ADRA2C: variants seen among roughly 807,000 people sequenced by gnomAD.
The protein encoded by ADRA2C is adrenoceptor alpha 2C, also known as alpha-2C adrenergic receptor.
In ADRA2C, 4 loss-of-function variants were observed where a neutral mutation model predicts 7.9. The ratio of observed to expected loss-of-function variants is 0.51; its 90% CI spans 0.25 to 1.16. ADRA2C has a LOEUF of 1.16. Among genes scored for constraint, ADRA2C ranks in the 50% most tolerant of loss-of-function variants. ADRA2C has a pLI of 0.15. For missense variants in ADRA2C, 589 were observed against 677.7 expected, an observed-to-expected ratio of 0.87 and a Z score of 1.45; for synonymous variants, 368 against 328.9, an observed-to-expected ratio of 1.12 and a Z score of -1.29.
Position 3,767,667 on chromosome 4 carries a change from A to C in ADRA2C, c.1061A>C (p.Glu354Ala). 6.4e-7 allele frequency: 1 copy of C among 1,561,468 alleles called. No homozygotes were observed. The highest frequency in any genetic ancestry group is 8.6e-7 in the Non-Finnish European group (1 of 1,156,808). ...TCGCGCGCCAGCTCGCGCTCCGTCG[A>C]GTTCTTCCTGTCGCGCCGGCGCCGG... Reference protein sequence around the residue: ...RLSRASSRSVEFFLSRRRRAR... With the variant: ...RLSRASSRSVAFFLSRRRRAR... Residue 354 changes from glutamate to alanine, a missense_variant, in exon 1 of 1, where the codon GAG becomes GCG. Physicochemically the swap from Glu to Ala is moderately radical, Grantham distance 107. Transcript: ENST00000330055.
chr4:3,766,959 A>T lies in ADRA2C; in HGVS notation c.353A>T (p.Tyr118Phe), dbSNP rs775942265. The change falls in exon 1 of 1, where the codon TAC becomes TTC. Residue 118 changes from tyrosine (Y) to phenylalanine (F), a missense_variant. Tyr to Phe is a conservative substitution (Grantham distance 22). Transcript: ENST00000330055. This position sits in a 1 kb window ranked among gnomAD's most constrained non-coding sequence, Gnocchi z 4.5. ...GCCAACGAGCTCATGGCCTACTGGT[A>T]CTTCGGGCAGGTGTGGTGCGGCGTG... ...SLANELMAYW[Y>F]FGQVWCGVYL... 6.2e-7 allele frequency: 1 copy of T among 1,611,032 alleles called. No homozygotes were observed. The highest frequency in any genetic ancestry group is 1.7e-5 in the Admixed American group (1 of 60,004).
rs1453100743 is a variant in ADRA2C at position 3,768,261 on chromosome 4, G to C, written c.*266G>C. The C allele has an allele frequency of 1.4e-6, 1 of 717,520 alleles. No individual in the cohort carries two copies. The highest frequency in any genetic ancestry group is 1.7e-5 in the African/African-American group (1 of 57,376). The allele number at this position is 717,520 out of a possible 1,614,324, so 44.4% of individuals were successfully genotyped here. ...TGGATCCAGCTCTGGGAGCCCTGCC[G>C]AGGTGTGGCTGTGAGGTCAGGGTTT... On this transcript the variant is annotated 3_prime_UTR_variant, in exon 1 of 1. Coordinates refer to ENST00000330055, the MANE Select transcript of ADRA2C (RefSeq NM_000683.4).
In ADRA2C at chr4:3,768,075, C is replaced by CAGAGACCCGGGGAGCTTTCCG; in HGVS notation, c.*93_*94insGCTTTCCGAGAGACCCGGGGA. 1 of 1,535,270 alleles carries CAGAGACCCGGGGAGCTTTCCG rather than the reference C, an allele frequency of 6.5e-7. No homozygotes were observed. Among genetic ancestry groups the CAGAGACCCGGGGAGCTTTCCG allele is most frequent in the Non-Finnish European group, 8.8e-7 (1 of 1,133,362 alleles). ...GGCGGCCCGGACGGGGGAGCTTTCC[C>CAGAGACCCGGGGAGCTTTCCG]AGAGACCCGGGGATGGATTGGCCTC... is the stretch of plus-strand genomic sequence containing the variant. On this transcript the variant is annotated 3_prime_UTR_variant, in exon 1 of 1. Transcript: ENST00000330055.
rs1735455940 is a variant in ADRA2C, at chr4:3,766,897, C to T, written c.291C>T (p.Asp97=). The T allele has an allele frequency of 6.2e-7, 1 of 1,610,646 alleles. No homozygotes were observed. The highest frequency in any genetic ancestry group is 8.5e-7 in the Non-Finnish European group (1 of 1,179,524). ...NLFLVSLASA[D]ILVATLVMPF... ...TCCTGGTGTCGCTGGCCTCGGCCGA[C>T]ATCCTGGTGGCCACGCTGGTCATGC... Residue 97 remains aspartate (D), a synonymous_variant, in exon 1 of 1, where the codon GAC becomes GAT. Transcript: ENST00000330055. This position sits in a 1 kb window ranked among gnomAD's most constrained non-coding sequence, Gnocchi z 4.5.
chr4:3,768,385 T>C lies in ADRA2C; in HGVS notation c.*390T>C. ...CCCCGTCTGACCAAGGGCTGACTTCTCCAGGACCTAGTCGGGGGGTGGCTG... is the reference window on the plus strand; with the variant it reads ...CCCCGTCTGACCAAGGGCTGACTTCCCCAGGACCTAGTCGGGGGGTGGCTG... On this transcript the variant is annotated 3_prime_UTR_variant, in exon 1 of 1. Coordinates refer to ENST00000330055, the MANE Select transcript of ADRA2C (RefSeq NM_000683.4). 1.5e-6 allele frequency: 1 copy of C among 661,090 alleles called. No homozygotes were observed. The highest frequency in any genetic ancestry group is 1.7e-5 in the South Asian group (1 of 59,738). 41.0% of individuals were successfully genotyped at this position (661,090 alleles called of 1,614,324 possible). A position where few individuals can be genotyped will look rare whatever the true frequency, so the allele number is the denominator to read the frequency against.
chr4:3,767,982 G>C lies in ADRA2C; in HGVS notation c.1376G>C (p.Gly459Ala), dbSNP rs1327954063. 1 of 1,606,504 alleles carries C rather than the reference G, an allele frequency of 6.2e-7. No individual in the cohort carries two copies. The highest frequency in any genetic ancestry group is 8.5e-7 in the Non-Finnish European group (1 of 1,178,104). The change falls in exon 1 of 1, where the codon GGC becomes GCC. Residue 459 changes from glycine (G) to alanine (A), a missense_variant. Gly to Ala is a moderately conservative substitution (Grantham distance 60). Transcript: ENST00000330055. Reference sequence around the variant, plus strand: ...ATCCTCTTCCGACGGAGGAGAAGGGGCTTCAGGCAGTGACTCGCACCCGTC... The same window carrying C: ...ATCCTCTTCCGACGGAGGAGAAGGGCCTTCAGGCAGTGACTCGCACCCGTC... ...KHILFRRRRRGFRQ is the reference protein window; with the variant it reads ...KHILFRRRRRAFRQ
chr4:3,767,168 G>C lies in ADRA2C; in HGVS notation c.562G>C (p.Val188Leu), dbSNP rs1286141118. 6.2e-7 allele frequency: 1 copy of C among 1,609,718 alleles called. No homozygotes were observed. Among genetic ancestry groups the C allele is most frequent in the Admixed American group, 1.7e-5 (1 of 59,970 alleles). The change falls in exon 1 of 1, where the codon GTC becomes CTC. Residue 188 changes from valine (V) to leucine (L), a missense_variant. By Grantham distance (32) the Val-to-Leu change is conservative. Transcript: ENST00000330055. Reference sequence around the variant, plus strand: ...GGCCGTCATCTCCTTCCCGCCGCTGGTCTCGCTCTACCGCCAGCCCGACGG... The same window carrying C: ...GGCCGTCATCTCCTTCCCGCCGCTGCTCTCGCTCTACCGCCAGCCCGACGG... ...ISAVISFPPL[V>L]SLYRQPDGAA...
chr4:3,768,208 C>G lies in ADRA2C; in HGVS notation c.*213C>G. On this transcript the variant is annotated 3_prime_UTR_variant, in exon 1 of 1. Transcript: ENST00000330055. ...AGACCCCTTTGCCTTCCCCCCTCAGCAAGGGGCTGCTTCTGGGGCTCCCTG... is the reference window on the plus strand; with the variant it reads ...AGACCCCTTTGCCTTCCCCCCTCAGGAAGGGGCTGCTTCTGGGGCTCCCTG... The G allele has an allele frequency of 1.4e-6, 1 of 722,288 alleles. No homozygotes were observed. The highest frequency in any genetic ancestry group is 2.6e-6 in the Non-Finnish European group (1 of 390,558). The allele number at this position is 722,288 out of a possible 1,614,324, so 44.7% of individuals were successfully genotyped here. A position where few individuals can be genotyped will look rare whatever the true frequency, so the allele number is the denominator to read the frequency against.
rs1231936043 is a variant in ADRA2C, at chr4:3,767,668, G to A, written c.1062G>A (p.Glu354=). The change falls in exon 1 of 1, where the codon GAG becomes GAA. Residue 354 remains glutamate, a synonymous_variant. Transcript: ENST00000330055. ...CGCGCGCCAGCTCGCGCTCCGTCGA[G>A]TTCTTCCTGTCGCGCCGGCGCCGGG... ...RLSRASSRSV[E]FFLSRRRRAR... is the part of the protein sequence containing the mutation. 3 of 1,565,192 alleles carry A rather than the reference G, an allele frequency of 1.9e-6. No individual in the cohort carries two copies. The highest frequency in any genetic ancestry group is 2.6e-6 in the Non-Finnish European group (3 of 1,158,516).
At position 3,768,399 on chromosome 4, in the gene ADRA2C, G is replaced by C. The variant is rs1394331146; in HGVS notation, c.*404G>C. The C allele has an allele frequency of 5.6e-5, 35 of 629,890 alleles. No homozygotes were observed. In the East Asian group the frequency reaches 1.0e-3, roughly 18 times the overall value. 39.0% of individuals were successfully genotyped at this position (629,890 alleles called of 1,614,324 possible). A position where few individuals can be genotyped will look rare whatever the true frequency, so the allele number is the denominator to read the frequency against. ...GGGCTGACTTCTCCAGGACCTAGTCGGGGGGTGGCTGCCAGGGGGCAAGGA... is the reference window on the plus strand; with the variant it reads ...GGGCTGACTTCTCCAGGACCTAGTCCGGGGGTGGCTGCCAGGGGGCAAGGA... On this transcript the variant is annotated 3_prime_UTR_variant, in exon 1 of 1. Transcript: ENST00000330055.
Position 3,766,835 on chromosome 4 carries a change from C to T in ADRA2C, c.229C>T (p.Leu77=), listed in dbSNP as rs778767194. 2 of 1,586,084 alleles carry T rather than the reference C, an allele frequency of 1.3e-6. No individual in the cohort carries two copies. Among genetic ancestry groups the T allele is most frequent in the Non-Finnish European group, 1.7e-6 (2 of 1,167,166 alleles). ...CAACGTGCTGGTGGTGATCGCCGTG[C>T]TGACCAGCCGGGCGCTGCGCGCGCC... ...VGNVLVVIAV[L]TSRALRAPQN... The change falls in exon 1 of 1, where the codon CTG becomes TTG. Residue 77 remains leucine, a synonymous_variant. Transcript: ENST00000330055. The surrounding 1 kb of genome is among the most constrained non-coding windows in gnomAD (Gnocchi z 4.5).
Position 3,768,214 on chromosome 4 carries a change from G to A in ADRA2C, c.*219G>A, listed in dbSNP as rs1407482066. 3 of 721,546 alleles carry A rather than the reference G, an allele frequency of 4.2e-6. No homozygotes were observed. Among genetic ancestry groups the A allele is most frequent in the Non-Finnish European group, 7.7e-6 (3 of 389,526 alleles). 44.7% of individuals were successfully genotyped at this position (721,546 alleles called of 1,614,324 possible). Reference sequence around the variant, plus strand: ...CTTTGCCTTCCCCCCTCAGCAAGGGGCTGCTTCTGGGGCTCCCTGCCTGGA... The same window carrying A: ...CTTTGCCTTCCCCCCTCAGCAAGGGACTGCTTCTGGGGCTCCCTGCCTGGA... On this transcript the variant is annotated 3_prime_UTR_variant, in exon 1 of 1. Coordinates refer to ENST00000330055, the MANE Select transcript of ADRA2C (RefSeq NM_000683.4).
chr4:3,768,370 C>T lies in ADRA2C; in HGVS notation c.*375C>T. ...ACTACCACTCCCCATCCCCGTCTGA[C>T]CAAGGGCTGACTTCTCCAGGACCTA... On this transcript the variant is annotated 3_prime_UTR_variant, in exon 1 of 1. Transcript: ENST00000330055. The T allele has an allele frequency of 1.4e-6, 1 of 695,610 alleles. No individual in the cohort carries two copies. Among genetic ancestry groups the T allele is most frequent in the Non-Finnish European group, 2.7e-6 (1 of 373,242 alleles). 43.1% of individuals were successfully genotyped at this position (695,610 alleles called of 1,614,324 possible).
At position 3,767,016 on chromosome 4, in the gene ADRA2C, C is replaced by G; in HGVS notation, c.410C>G (p.Ser137Trp). 6.2e-7 allele frequency: 1 copy of G among 1,611,442 alleles called. No individual in the cohort carries two copies. ...GCGCTCGATGTGCTGTTTTGCACCTCGTCGATCGTGCATCTGTGTGCCATC... is the reference window on the plus strand; with the variant it reads ...GCGCTCGATGTGCTGTTTTGCACCTGGTCGATCGTGCATCTGTGTGCCATC... The part of the protein sequence containing the change: ...YLALDVLFCT[S>W]SIVHLCAISL... Residue 137 changes from serine (S) to tryptophan (W), a missense_variant, in exon 1 of 1, where the codon TCG (serine) becomes TGG (tryptophan). Physicochemically the swap from Ser to Trp is radical, Grantham distance 177 (BLOSUM62 -3). Coordinates refer to ENST00000330055, the MANE Select transcript of ADRA2C (RefSeq NM_000683.4).
chr4:3,767,349 G>A lies in ADRA2C; in HGVS notation c.743G>A (p.Arg248His), dbSNP rs1329293853. The A allele has an allele frequency of 6.4e-7, 1 of 1,551,502 alleles. No individual in the cohort carries two copies. ...KLRTRTLSEK[R>H]APVGPDGASP... ...CGCACGCGCACGCTCAGCGAGAAGC[G>A]CGCCCCCGTGGGCCCCGACGGTGCG... Residue 248 changes from arginine to histidine, a missense_variant, in exon 1 of 1, where the codon CGC becomes CAC. Coordinates refer to ENST00000330055, the MANE Select transcript of ADRA2C (RefSeq NM_000683.4).
At position 3,768,051 on chromosome 4, in the gene ADRA2C, G is replaced by C. The variant is rs1735497812; in HGVS notation, c.*56G>C. On this transcript the variant is annotated 3_prime_UTR_variant, in exon 1 of 1. Transcript: ENST00000330055. ...CCGCGCTCGGGGCTGGGCAGAAGGG[G>C]CGGCCCGGACGGGGGAGCTTTCCCA... is the stretch of plus-strand genomic sequence containing the variant. The C allele has an allele frequency of 2.7e-6, 1 of 365,042 alleles. No homozygotes were observed. Among genetic ancestry groups the C allele is most frequent in the South Asian group, 3.5e-5 (1 of 28,482 alleles). The allele number at this position is 365,042 out of a possible 1,614,324, so 22.6% of individuals were successfully genotyped here. A position where few individuals can be genotyped will look rare whatever the true frequency, so the allele number is the denominator to read the frequency against.
rs1488635397 is a variant in ADRA2C, at chr4:3,767,823, G to A, written c.1217G>A (p.Gly406Asp). 1 of 1,613,186 alleles carries A rather than the reference G, an allele frequency of 6.2e-7. No homozygotes were observed. The highest frequency in any genetic ancestry group is 8.5e-7 in the Non-Finnish European group (1 of 1,179,866). ...TTCTTCTTCAGCTACAGCCTGTACG[G>A]CATCTGCCGCGAGGCCTGCCAGGTG... Reference protein sequence around the residue: ...FPFFFSYSLYGICREACQVPG... With the variant: ...FPFFFSYSLYDICREACQVPG... The change falls in exon 1 of 1, where the codon GGC (glycine) becomes GAC (aspartate). Residue 406 changes from glycine to aspartate, a missense_variant. Physicochemically the swap from Gly to Asp is moderately conservative, Grantham distance 94. Coordinates refer to ENST00000330055, the MANE Select transcript of ADRA2C (RefSeq NM_000683.4).
Position 3,768,062 on chromosome 4 carries a change from G to GGGAGAGCTTTCCCAGAGACCC in ADRA2C, c.*69_*70insAGAGCTTTCCCAGAGACCCGG. On this transcript the variant is annotated 3_prime_UTR_variant, in exon 1 of 1. Transcript: ENST00000330055. ...GCTGGGCAGAAGGGGCGGCCCGGAC[G>GGGAGAGCTTTCCCAGAGACCC]GGGGAGCTTTCCCAGAGACCCGGGG... The GGGAGAGCTTTCCCAGAGACCC allele has an allele frequency of 1.7e-6, 2 of 1,157,754 alleles. No individual in the cohort carries two copies. Among genetic ancestry groups the GGGAGAGCTTTCCCAGAGACCC allele is most frequent in the Admixed American group, 2.4e-5 (1 of 41,424 alleles). The allele number at this position is 1,157,754 out of a possible 1,614,324, so 71.7% of individuals were successfully genotyped here. A position where few individuals can be genotyped will look rare whatever the true frequency, so the allele number is the denominator to read the frequency against.
Position 3,768,387 on chromosome 4 carries a change from C to G in ADRA2C, c.*392C>G, listed in dbSNP as rs143872735. 28 of 659,502 alleles carry G rather than the reference C, an allele frequency of 4.2e-5. No homozygotes were observed. In the East Asian group the frequency reaches 6.2e-4, roughly 15 times the overall value. The allele number at this position is 659,502 out of a possible 1,614,324, so 40.9% of individuals were successfully genotyped here. A position where few individuals can be genotyped will look rare whatever the true frequency, so the allele number is the denominator to read the frequency against. The stretch of plus-strand genomic sequence containing the variant: ...CCGTCTGACCAAGGGCTGACTTCTC[C>G]AGGACCTAGTCGGGGGGTGGCTGCC... On this transcript the variant is annotated 3_prime_UTR_variant, in exon 1 of 1. Coordinates refer to ENST00000330055, the MANE Select transcript of ADRA2C (RefSeq NM_000683.4).
Sources: gnomAD v4.1 joint callset for allele counts on GRCh38, gnomAD v4.1.1 for gene constraint, Gnocchi (gnomAD v3.1) non-coding constraint, MANE v1.5 for transcripts, NCBI Gene and HGNC (gene_info 2026-07-23, HGNC 2026-07-21) for gene names.